SSPN: variants seen among roughly 807,000 people sequenced by gnomAD.
SSPN encodes the protein sarcospan, also known as K-ras oncogene-associated protein.
Under a neutral mutation model 19.1 loss-of-function variants are expected in SSPN, and 15 were observed. That is an observed-to-expected ratio of 0.78 (90% confidence interval 0.52 to 1.21). SSPN has a LOEUF of 1.21. SSPN is among the 50% of genes most tolerant of loss of function. The pLI is 0.00. For missense variants in SSPN, 291 were observed against 314.0 expected (o/e 0.93, Z 0.55); for synonymous variants, 147 against 140.3 (o/e 1.05, Z -0.34).
chr12:26,123,175 T>G, intron 1 of SSPN: 1 of 1,578,856 alleles, frequency 6.3e-7, no homozygotes, highest in Non-Finnish European at 8.6e-7. Context: ...TCCCCTAGGA[T>G]GAGGAAGGGA....
intron 1 of SSPN, among the ~76,000 whole-genome samples, chr12:26,131,671 A>G (rs1302146560): frequency 2.0e-5 from 3 of 152,202 alleles, no homozygotes; most frequent in African/African-American, 7.2e-5. Flanking sequence ...AAGAGGGACT[A>G]ATTTCTAAGG....
chr12:26,122,766 G>C (rs1417732646), intron 1 of SSPN: 1 of 1,592,476 alleles, frequency 6.3e-7, no homozygotes, highest in African/African-American at 1.4e-5. Flanking sequence ...CTCGCGGTCC[G>C]GCCGGGCCTC....
chr12:26,195,078 C>T (rs1232672005), upstream of SSPN, among the ~76,000 whole-genome samples: 2 of 152,018 alleles, frequency 1.3e-5, no homozygotes, highest in Non-Finnish European at 2.9e-5. Context: ...CACCTAAATG[C>T]GAAAAATGCC....
chr12:26,151,371 T>C (rs1305034686), intron 1 of SSPN, among the ~76,000 whole-genome samples: 2 of 152,116 alleles, frequency 1.3e-5, no homozygotes, highest in African/African-American at 4.8e-5. Context: ...TTTAGATCTC[T>C]TCTCAACCAT....
chr12:26,125,168 C>G (rs1289757695), intron 1 of SSPN: 3 of 345,956 alleles, frequency 8.7e-6, no homozygotes, highest in Non-Finnish European at 1.7e-5. Context: ...GAGAAGGCGG[C>G]GAGAGAAGGC....
At position 26,200,125 on chromosome 12, in the gene SSPN, T is replaced by C. The variant is rs550646762; in HGVS notation, c.279+4174T>C. 3.3e-5 allele frequency among the ~76,000 whole-genome samples: 5 copies of C among 152,340 alleles called. No homozygotes were observed. In the South Asian group the frequency reaches 1.0e-3, roughly 32 times the overall value. ...GGAAAGTGAGAATTTCTTTGCCTTA[T>C]TATGCTTTTTAGCTTCCCCCACTCT... On this transcript the variant is annotated intron_variant, in intron 1 of 2. Coordinates refer to ENST00000242729, the MANE Select transcript of SSPN (RefSeq NM_005086.5).
intron 1 of SSPN, among the ~76,000 whole-genome samples, chr12:26,151,407 T>A (rs920519691): frequency 6.6e-5 from 10 of 152,220 alleles, no homozygotes; most frequent in Non-Finnish European, 8.8e-5. Context: ...TGCATTGTGT[T>A]ATTTTTCTCT....
intron 1 of SSPN, among the ~76,000 whole-genome samples, chr12:26,203,226 C>T (rs185660301): frequency 3.3e-3 from 510 of 152,286 alleles, no homozygotes; most frequent in Middle Eastern, 0.014. Context: ...GTAATCTAGT[C>T]ATTAAACTTT....
intron 1 of SSPN, among the ~76,000 whole-genome samples, chr12:26,185,659 C>G (rs1944749208): frequency 6.6e-6 from 1 of 152,142 alleles, no homozygotes; most frequent in Admixed American, 6.5e-5. Context: ...GTAGGCCCAC[C>G]CTGACACATA....
intron 1 of SSPN, among the ~76,000 whole-genome samples, chr12:26,189,366 A>G (rs1459875957): frequency 6.6e-6 from 1 of 152,178 alleles, no homozygotes; most frequent in Non-Finnish European, 1.5e-5. Context: ...TACTGATCCT[A>G]CATTCATACG....
At chr12:26,211,439 T>G (rs1471994151) in intron 1 of SSPN, 1 of 152,250 alleles carries the variant, frequency 6.6e-6, no homozygotes, top group Non-Finnish European at 1.5e-5. Flanking sequence ...TTTAAAATGA[T>G]GAGCTATTTG....
intron 1 of SSPN, among the ~76,000 whole-genome samples, chr12:26,223,785 G>C (rs944882622): frequency 2.0e-5 from 3 of 152,190 alleles, no homozygotes; most frequent in African/African-American, 7.2e-5. Flanking sequence ...CCTTAGAAGA[G>C]CTCTAGCATG....
chr12:26,125,038 G>C (rs1432896872), intron 1 of SSPN: 2 of 569,058 alleles, frequency 3.5e-6, no homozygotes, highest in Admixed American at 5.4e-5. Flanking sequence ...GCAGTGTTTG[G>C]CCACAGGGCA....
rs118190135 is a variant in SSPN at position 26,152,964 on chromosome 12, C to G, written c.-31+30812C>G. Among the ~76,000 whole-genome samples, 47 of 152,332 alleles carry G rather than the reference C, an allele frequency of 3.1e-4. No homozygotes were observed. In the East Asian group the frequency reaches 7.9e-3, roughly 26 times the overall value. On this transcript the variant is annotated intron_variant, in intron 1 of 2. Transcript: ENST00000538142. The stretch of plus-strand genomic sequence containing the variant: ...AAACACACCTGTTGTGTAGCTGCCT[C>G]TGGGCCGTAGCACTTGTTCCCTCTG...
intron 1 of SSPN, among the ~76,000 whole-genome samples, chr12:26,159,332 T>G (rs954285858): frequency 5.3e-5 from 8 of 152,144 alleles, no homozygotes; most frequent in Non-Finnish European, 1.0e-4. Flanking sequence ...GTTAATACCC[T>G]AGAAACAATG....
At chr12:26,179,581 A>G (rs1944705447) in intron 1 of SSPN, among the ~76,000 whole-genome samples, 1 of 152,154 alleles carries the variant, frequency 6.6e-6, no homozygotes, top group Non-Finnish European at 1.5e-5. Context: ...CCACCAGGAA[A>G]CCAAAGCTCT....
At chr12:26,219,893 A>G (rs1945100616) in intron 1 of SSPN, among the ~76,000 whole-genome samples, 1 of 152,052 alleles carries the variant, frequency 6.6e-6, no homozygotes, top group Non-Finnish European at 1.5e-5. Flanking sequence ...AAAACCTTAC[A>G]TAACTCCCCT....
chr12:26,226,633 T>G (rs772962324), intron 2 of SSPN, among the ~76,000 whole-genome samples: 57 of 152,260 alleles, frequency 3.7e-4, no homozygotes, highest in Non-Finnish European at 6.8e-4. Flanking sequence ...CCTCTGGGCT[T>G]GGCTGGGCAT....
intron 2 of SSPN, among the ~76,000 whole-genome samples, chr12:26,226,658 G>C (rs1429129239): frequency 6.6e-6 from 1 of 152,092 alleles, no homozygotes; most frequent in Non-Finnish European, 1.5e-5. Context: ...TGCAGGTCGC[G>C]CTTCCTGCCT....
Sources: allele counts gnomAD v4.1 joint callset (sites outside exome capture counted in the v4.1 genomes callset), GRCh38; gene constraint gnomAD v4.1.1; transcripts MANE v1.5; gene names NCBI Gene and HGNC (gene_info 2026-07-23, HGNC 2026-07-21).